SPAG6: variants seen among roughly 807,000 people sequenced by gnomAD.
SPAG6 encodes the protein sperm associated antigen 6.
A neutral mutation model predicts 58.5 loss-of-function variants in SPAG6; 49 were observed. The observed-to-expected ratio is 0.84, with a 90% CI of 0.67 to 1.06. SPAG6 has a LOEUF of 1.06. Ranked by LOEUF, SPAG6 falls within the 50% of genes least tolerant of loss-of-function variation. The pLI, the probability that SPAG6 is intolerant of heterozygous loss-of-function variation, is 0.00. For synonymous variants in SPAG6, 233 were observed against 225.6 expected (o/e 1.03, Z -0.29); for missense variants, 560 against 611.3 (o/e 0.92, Z 0.89).
Position 22,345,533 on chromosome 10 carries a change from C to T in SPAG6, c.-79C>T, listed in dbSNP as rs1302825923. 1.9e-5 allele frequency: 24 copies of T among 1,274,036 alleles called. No homozygotes were observed. The highest frequency in any genetic ancestry group is 2.6e-5 in the Non-Finnish European group (24 of 933,410). 78.9% of individuals were successfully genotyped at this position (1,274,036 alleles called of 1,614,324 possible). ...CCCGTCGGAGGCCGAGTCGTCGCCA[C>T]GATCGCCCCCTTGGTGGACTCGCAG... On this transcript the variant is annotated 5_prime_UTR_variant, in exon 1 of 11. It adds an upstream start codon to the 5' untranslated region. Coordinates refer to ENST00000376624, the MANE Select transcript of SPAG6 (RefSeq NM_012443.4). The surrounding 1 kb of genome is among the most constrained non-coding windows in gnomAD (Gnocchi z 6.3).
At chr10:22,388,305 C>T (rs1413092808) in intron 6 of SPAG6, among the ~76,000 whole-genome samples, 1 of 152,034 alleles carries the variant, frequency 6.6e-6, no homozygotes, top group Non-Finnish European at 1.5e-5. Context: ...GGGAGCAAAA[C>T]TGCCTCCAGT....
intron 2 of SPAG6, among the ~76,000 whole-genome samples, chr10:22,348,726 A>G (rs1000815074): frequency 6.6e-6 from 1 of 152,236 alleles, no homozygotes; most frequent in Non-Finnish European, 1.5e-5. Flanking sequence ...TTATACACTA[A>G]TAAGAGAATT....
At chr10:22,384,034 T>G (rs1397458526) in intron 4 of SPAG6, among the ~76,000 whole-genome samples, 1 of 152,198 alleles carries the variant, frequency 6.6e-6, no homozygotes, top group East Asian at 1.9e-4. Context: ...GGGACATTTT[T>G]TAAATTCACA....
intron 3 of SPAG6, 89 bp from the exon 4 acceptor site, chr10:22,368,406 T>G: frequency 1.1e-6 from 1 of 925,902 alleles, no homozygotes; most frequent in Non-Finnish European, 1.6e-6. Context: ...TTTATAGTAA[T>G]GTTATTTTTA....
chr10:22,364,506 C>A (rs1468377973), intron 2 of SPAG6, among the ~76,000 whole-genome samples: 2 of 152,116 alleles, frequency 1.3e-5, no homozygotes, highest in Non-Finnish European at 2.9e-5. Flanking sequence ...GGGGGAAGCC[C>A]TATCTTTTTT....
intron 8 of SPAG6, among the ~76,000 whole-genome samples, chr10:22,393,576 A>C (rs1163674527): frequency 2.0e-5 from 3 of 152,226 alleles, no homozygotes; most frequent in Non-Finnish European, 4.4e-5. Context: ...GTTAACTAAT[A>C]GAAATTAACT....
intron 2 of SPAG6, among the ~76,000 whole-genome samples, chr10:22,359,195 T>C (rs1259591665): frequency 6.6e-6 from 1 of 152,154 alleles, no homozygotes; most frequent in Non-Finnish European, 1.5e-5. Flanking sequence ...CAGTGAAAGG[T>C]GAATCCTTTA....
In SPAG6 at chr10:22,410,922, T is replaced by G. The variant is rs911322171; in HGVS notation, c.1315-109T>G. On this transcript the variant is annotated intron_variant, in intron 9 of 10. Transcript: ENST00000376624. ...TTTGGCTCATTATGTTATAGGTATA[T>G]TGGGTATAAATTCTCTTTTACATTT... 3 of 1,103,846 alleles carry G rather than the reference T, an allele frequency of 2.7e-6. No individual in the cohort carries two copies. The Admixed American group carries it at 8.0e-5, about 30-fold the overall frequency. 68.4% of individuals were successfully genotyped at this position (1,103,846 alleles called of 1,614,324 possible). A position where few individuals can be genotyped will look rare whatever the true frequency, so the allele number is the denominator to read the frequency against.
At chr10:22,415,097 T>TG (rs1376217798) in intron 10 of SPAG6, among the ~76,000 whole-genome samples, 8 of 152,114 alleles carry the variant, frequency 5.3e-5, no homozygotes, top group African/African-American at 1.9e-4. Context: ...CCTCAGTAGC[T>TG]GGTGGCTCCC....
intron 2 of SPAG6, among the ~76,000 whole-genome samples, chr10:22,346,338 C>T (rs2132020846): frequency 6.6e-6 from 1 of 151,904 alleles, no homozygotes; most frequent in Middle Eastern, 3.4e-3. Context: ...ACTCCTCAGT[C>T]CGGACTCTTG....
intron 3 of SPAG6, among the ~76,000 whole-genome samples, chr10:22,366,195 ATGT>A (rs1837196412): frequency 6.6e-6 from 1 of 152,224 alleles, no homozygotes; most frequent in Admixed American, 6.5e-5. Context: ...GGTAAACAAA[ATGT>A]TGTGTATCCA....
At chr10:22,402,353 T>C (rs2130619155) in intron 9 of SPAG6, among the ~76,000 whole-genome samples, 1 of 152,334 alleles carries the variant, frequency 6.6e-6, no homozygotes, top group South Asian at 2.1e-4. Context: ...AAATGAGATA[T>C]TACTCTTCAT....
At chr10:22,397,664 G>GT (rs1451764217) in intron 8 of SPAG6, among the ~76,000 whole-genome samples, 5 of 152,000 alleles carry the variant, frequency 3.3e-5, no homozygotes, top group Admixed American at 6.6e-5. Flanking sequence ...CAAATATGAA[G>GT]TTAAGAAAAT....
chr10:22,375,511 C>A (rs925441761), intron 4 of SPAG6, among the ~76,000 whole-genome samples: 3 of 150,606 alleles, frequency 2.0e-5, no homozygotes, highest in African/African-American at 7.3e-5. Context: ...TTGGTTTGCT[C>A]TTATCAGGGT....
At chr10:22,412,429 A>C in intron 10 of SPAG6, 1 of 1,446,724 alleles carries the variant, frequency 6.9e-7, no homozygotes, top group South Asian at 1.3e-5. Context: ...TTTTCTATCC[A>C]CATATTTTTA....
intron 4 of SPAG6, among the ~76,000 whole-genome samples, chr10:22,372,510 G>A (rs960229327): frequency 4.6e-5 from 7 of 152,284 alleles, no homozygotes; most frequent in Middle Eastern, 6.8e-3. Context: ...GGAGGCCGCT[G>A]CAGGAGGCTC....
rs757380310 is a variant in SPAG6 at position 22,345,876 on chromosome 10, G to T, written c.121+58G>T. 6.3e-6 allele frequency: 10 copies of T among 1,580,680 alleles called. No homozygotes were observed. In the African/African-American group the frequency reaches 9.5e-5, roughly 15 times the overall value. On this transcript the variant is annotated intron_variant, in intron 2 of 10. Coordinates refer to ENST00000376624, the MANE Select transcript of SPAG6 (RefSeq NM_012443.4). The surrounding 1 kb of genome is among the most constrained non-coding windows in gnomAD (Gnocchi z 6.3). ...CGCGCACTGAGTCCCCGACGCCTCCGCCCCGCTGCCCTGCCCGTGGAGCTC... is the reference window on the plus strand; with the variant it reads ...CGCGCACTGAGTCCCCGACGCCTCCTCCCCGCTGCCCTGCCCGTGGAGCTC...
intron 8 of SPAG6, among the ~76,000 whole-genome samples, chr10:22,392,731 T>G (rs1286141382): frequency 6.6e-6 from 1 of 152,116 alleles, no homozygotes; most frequent in Non-Finnish European, 1.5e-5. Context: ...AACAATTTGG[T>G]GAAACTTAAC....
At chr10:22,407,477 C>T (rs988623253) in intron 9 of SPAG6, among the ~76,000 whole-genome samples, 2 of 152,180 alleles carry the variant, frequency 1.3e-5, no homozygotes, top group Admixed American at 6.5e-5. Context: ...CCACTCTCTT[C>T]TGGCTTATAG....
Sources: gnomAD v4.1 joint callset for allele counts (sites outside exome capture counted in the v4.1 genomes callset) on GRCh38, gnomAD v4.1.1 for gene constraint, Gnocchi (gnomAD v3.1) non-coding constraint, MANE v1.5 for transcripts, NCBI Gene and HGNC (gene_info 2026-07-23, HGNC 2026-07-21) for gene names.